ACAD11: variants seen among roughly 807,000 people sequenced by gnomAD.
ACAD11 encodes the protein acyl-Coenzyme A dehydrogenase family, member 11.
ACAD11 carries 83 observed loss-of-function variants against 102.2 expected under a neutral mutation model. That is an observed-to-expected ratio of 0.81 (90% confidence interval 0.68 to 0.97). The LOEUF (loss-of-function observed/expected upper bound fraction) is 0.97, where lower values mean the gene tolerates loss of function less well. Among genes scored for constraint, ACAD11 ranks in the 50% least tolerant of loss-of-function variants. The pLI, the probability that ACAD11 is intolerant of heterozygous loss-of-function variation, is 0.00. For missense variants in ACAD11, 901 were observed against 951.7 expected, an observed-to-expected ratio of 0.95 and a Z score of 0.70; for synonymous variants, 324 against 319.8, an observed-to-expected ratio of 1.01 and a Z score of -0.14.
intron 5 of ACAD11, among the ~76,000 whole-genome samples, chr3:132,633,251 G>A (rs1214643481): frequency 1.1e-4 from 16 of 152,058 alleles, no homozygotes; most frequent in South Asian, 1.0e-3. Context: ...ACGTCCCATC[G>A]ATACCTAATT....
intron 18 of ACAD11, among the ~76,000 whole-genome samples, chr3:132,560,189 A>G (rs1201924908): frequency 6.6e-6 from 1 of 152,118 alleles, no homozygotes; most frequent in Non-Finnish European, 1.5e-5. Context: ...TTCCAAAAGG[A>G]TTTCAGGCAG....
In ACAD11 at chr3:132,558,546, G is replaced by C. The variant is rs1338665430; in HGVS notation, c.*425C>G. 6.5e-6 allele frequency: 1 copy of C among 154,884 alleles called. No individual in the cohort carries two copies. Among genetic ancestry groups the C allele is most frequent in the African/African-American group, 2.4e-5 (1 of 41,502 alleles). The allele number at this position is 154,884 out of a possible 1,614,324, so 9.6% of individuals were successfully genotyped here. A position where few individuals can be genotyped will look rare whatever the true frequency, so the allele number is the denominator to read the frequency against. The stretch of plus-strand genomic sequence containing the variant: ...AGAAACAGTCTCACTCGGTCACCCA[G>C]GCTGGAGGCCATGTCACGATCACAG... On this transcript the variant is annotated 3_prime_UTR_variant, in exon 20 of 20. Transcript: ENST00000264990.
At position 132,623,267 on chromosome 3, in the gene ACAD11, A is replaced by C. The variant is rs1035148711; in HGVS notation, c.1197+3424T>G. Among the ~76,000 whole-genome samples, 3 of 152,198 alleles carry C rather than the reference A, an allele frequency of 2.0e-5. No homozygotes were observed. In the East Asian group the frequency reaches 5.8e-4, roughly 29 times the overall value. ...TCAGTGGTTAAAGACAAGTGCTGTT[A>C]AAGTATTGTATTATATGATACAACC... On this transcript the variant is annotated intron_variant, in intron 9 of 19. Transcript: ENST00000264990.
At chr3:132,606,322 T>C (rs1194181208) in intron 11 of ACAD11, among the ~76,000 whole-genome samples, 1 of 152,218 alleles carries the variant, frequency 6.6e-6, no homozygotes, top group Non-Finnish European at 1.5e-5. Flanking sequence ...CTTAACATTC[T>C]TTTTGACTGA....
At chr3:132,649,947 T>C (rs1292161832) in intron 1 of ACAD11, 1 of 152,172 alleles carries the variant, frequency 6.6e-6, no homozygotes, top group Non-Finnish European at 1.5e-5. Context: ...ATCTCAAATG[T>C]GTTTGCTGTT....
At chr3:132,613,390 A>T (rs1485493908) in intron 11 of ACAD11, among the ~76,000 whole-genome samples, 1 of 146,562 alleles carries the variant, frequency 6.8e-6, no homozygotes, top group Non-Finnish European at 1.5e-5. Flanking sequence ...AATAAAAATA[A>T]CTAAATAAAA....
intron 13 of ACAD11, among the ~76,000 whole-genome samples, chr3:132,594,107 A>T (rs1194504713): frequency 2.6e-5 from 4 of 152,212 alleles, no homozygotes; most frequent in Non-Finnish European, 4.4e-5. Flanking sequence ...TATACACAGC[A>T]TTCATACACA....
At chr3:132,640,438 T>G (rs1361585242) in intron 4 of ACAD11, among the ~76,000 whole-genome samples, 1 of 152,194 alleles carries the variant, frequency 6.6e-6, no homozygotes, top group Non-Finnish European at 1.5e-5. Context: ...TTTCTAAATA[T>G]TTTACAGGTA....
intron 13 of ACAD11, among the ~76,000 whole-genome samples, chr3:132,591,549 G>C (rs1214419302): frequency 6.6e-6 from 1 of 151,988 alleles, no homozygotes; most frequent in South Asian, 2.1e-4. Context: ...ATATAATTTT[G>C]TATCTAATAT....
chr3:132,626,279 A>G (rs1408720991), intron 9 of ACAD11, among the ~76,000 whole-genome samples: 1 of 152,144 alleles, frequency 6.6e-6, no homozygotes, highest in East Asian at 1.9e-4. Context: ...GCTTATAGGA[A>G]GAGGGGTGGT....
intron 1 of ACAD11, chr3:132,659,390 G>A: frequency 1.7e-6 from 1 of 590,672 alleles, no homozygotes. Context: ...AATGGTGAAC[G>A]TTATTGCGCT....
chr3:132,628,886 A>AAACTGTCT (rs1253121065), intron 7 of ACAD11, among the ~76,000 whole-genome samples: 1 of 152,222 alleles, frequency 6.6e-6, no homozygotes, highest in Admixed American at 6.5e-5. Context: ...AATGCAGGTA[A>AAACTGTCT]AACTGTCTCT....
At chr3:132,573,539 A>C (rs1937445248) in intron 17 of ACAD11, among the ~76,000 whole-genome samples, 1 of 152,188 alleles carries the variant, frequency 6.6e-6, no homozygotes, top group African/African-American at 2.4e-5. Flanking sequence ...TTTAAGGTTC[A>C]TAGTATATTT....
intron 2 of ACAD11, 66 bp from the exon 3 acceptor site, chr3:132,642,868 T>A: frequency 6.7e-7 from 1 of 1,500,300 alleles, no homozygotes; most frequent in South Asian, 1.2e-5. Flanking sequence ...ATTTAATAAC[T>A]ACTTATGAGC....
intron 1 of ACAD11, chr3:132,648,911 CTG>C (rs1294213817): frequency 6.6e-6 from 1 of 152,310 alleles, no homozygotes; most frequent in Non-Finnish European, 1.5e-5. Context: ...TGCTGTTAAT[CTG>C]TAACTTTGCC....
rs1178473697 is a variant in ACAD11 at position 132,575,944 on chromosome 3, A to T, written c.1847-18T>A. 1 of 1,612,800 alleles carries T rather than the reference A, an allele frequency of 6.2e-7. No individual in the cohort carries two copies. Among genetic ancestry groups the T allele is most frequent in the Admixed American group, 1.7e-5 (1 of 59,982 alleles). ...ACCTTCACCTGGGAAGAAAGGGGAA[A>T]AAAAGGGGGAATGTGAAAATGGCCT... On this transcript the variant is annotated intron_variant, in intron 16 of 19. Transcript: ENST00000264990.
At chr3:132,618,144 A>G (rs1939479983) in intron 11 of ACAD11, 1 of 152,432 alleles carries the variant, frequency 6.6e-6, no homozygotes, top group Non-Finnish European at 1.5e-5. Context: ...GTATCCTTGT[A>G]TGTCAATTAG....
chr3:132,618,704 G>T lies in ACAD11; in HGVS notation c.1344C>A (p.Asp448Glu), dbSNP rs745567544. 1 of 1,606,324 alleles carries T rather than the reference G, an allele frequency of 6.2e-7. No homozygotes were observed. The highest frequency in any genetic ancestry group is 1.7e-5 in the Admixed American group (1 of 58,404). ...LPAVSGLSHVDYALIAEETGK... is the reference protein window; with the variant it reads ...LPAVSGLSHVEYALIAEETGK... ...CTGTTTCTTCAGCAATCAAGGCATA[G>T]TCCACGTGGCTGAGTCCGCTGACAG... The change falls in exon 11 of 20, where the codon GAC becomes GAA. Residue 448 changes from aspartate to glutamate, a missense_variant. By Grantham distance (45) the Asp-to-Glu change is conservative. Coordinates refer to ENST00000264990, the MANE Select transcript of ACAD11 (RefSeq NM_032169.5).
intron 17 of ACAD11, among the ~76,000 whole-genome samples, chr3:132,567,324 A>G (rs1040563274): frequency 3.9e-5 from 6 of 152,158 alleles, no homozygotes; most frequent in Non-Finnish European, 5.9e-5. Flanking sequence ...AACTTAAAGG[A>G]AGGTAAAATG....
Sources: allele counts gnomAD v4.1 joint callset (sites outside exome capture counted in the v4.1 genomes callset), GRCh38; gene constraint gnomAD v4.1.1; transcripts MANE v1.5; gene names NCBI Gene and HGNC (gene_info 2026-07-23, HGNC 2026-07-21).